DNAH7: variants seen among roughly 807,000 people sequenced by gnomAD.
DNAH7 encodes the protein axonemal beta dynein heavy chain 7.
DNAH7 carries 397 observed loss-of-function variants against 444.6 expected under a neutral mutation model. The observed-to-expected ratio is 0.89, with a 90% CI of 0.82 to 0.97. The LOEUF is 0.97. Ranked by LOEUF, DNAH7 falls within the 50% of genes least tolerant of loss-of-function variation. DNAH7 has a pLI of 0.00. For synonymous variants in DNAH7, 1,636 were observed against 1,624.4 expected (o/e 1.01, Z -0.17); for missense variants, 4,902 against 4,800.8 (o/e 1.02, Z -0.62).
intron 64 of DNAH7, 106 bp downstream of exon 64, chr2:195,740,648 TATACACACACAC>T (rs1559062374): frequency 3.3e-5 from 2 of 60,550 alleles, no homozygotes; most frequent in Non-Finnish European, 3.3e-5. Context: ...TATATATACA[TATACACACACAC>T]ATATGTATAC....
chr2:195,960,392 T>C lies in DNAH7; in HGVS notation c.2759A>G (p.His920Arg). Residue 920 changes from histidine to arginine, a missense_variant, in exon 18 of 65, where the codon CAT (histidine) becomes CGT (arginine). By Grantham distance (29) the His-to-Arg change is conservative. Transcript: ENST00000312428. ...AAATGTCCCAGTTTCTCTATAAGAA[T>C]GGATGACAAATTCCACTGCATCCCA... is the stretch of plus-strand genomic sequence containing the variant. Reference protein sequence around the residue: ...TEWDAVEFVIHSYRETGTFIL... With the variant: ...TEWDAVEFVIRSYRETGTFIL... 2 of 1,614,210 alleles carry C rather than the reference T, an allele frequency of 1.2e-6. No individual in the cohort carries two copies. Among genetic ancestry groups the C allele is most frequent in the South Asian group, 2.2e-5 (2 of 91,084 alleles).
intron 5 of DNAH7, among the ~76,000 whole-genome samples, chr2:196,036,620 G>A (rs1233193580): frequency 2.0e-5 from 3 of 152,082 alleles, no homozygotes; most frequent in South Asian, 2.1e-4. Flanking sequence ...CCCACCTGGG[G>A]GTCCAGGGAC....
chr2:195,946,666 ACTCT>A (rs149085409), intron 19 of DNAH7, among the ~76,000 whole-genome samples: 221 of 151,512 alleles, frequency 1.5e-3, no homozygotes, highest in African/African-American at 5.2e-3. Context: ...TTTTACCCTC[ACTCT>A]CTCTTTCTTT....
At chr2:196,048,039 T>G (rs1697243152) in intron 4 of DNAH7, among the ~76,000 whole-genome samples, 1 of 152,194 alleles carries the variant, frequency 6.6e-6, no homozygotes, top group Admixed American at 6.5e-5. Flanking sequence ...AGGCAAATTC[T>G]GACCACAATA....
chr2:196,008,893 T>G (rs1277627252), intron 10 of DNAH7, among the ~76,000 whole-genome samples: 1 of 152,156 alleles, frequency 6.6e-6, no homozygotes, highest in Admixed American at 6.5e-5. Context: ...AAAAGAGGTT[T>G]AATTGGCTCA....
At chr2:196,047,229 G>A (rs1445731243) in intron 5 of DNAH7, 123 bp downstream of exon 5, 1 of 719,156 alleles carries the variant, frequency 1.4e-6, no homozygotes, top group Non-Finnish European at 2.1e-6. Context: ...TTTATACTCT[G>A]ACCTCATTCC....
intron 25 of DNAH7, among the ~76,000 whole-genome samples, chr2:195,907,699 T>C (rs961591388): frequency 6.6e-6 from 1 of 152,180 alleles, no homozygotes; most frequent in African/African-American, 2.4e-5. Flanking sequence ...GCATATTTTA[T>C]GCAAGGACAC....
In DNAH7 at chr2:196,048,325, G is replaced by T; in HGVS notation, c.221C>A (p.Pro74Gln). Reference sequence around the variant, plus strand: ...GGACTGTTCATTTTTAACACTAAATGGTTCTGGACTCTCATCATCCTGCTT... The same window carrying T: ...GGACTGTTCATTTTTAACACTAAATTGTTCTGGACTCTCATCATCCTGCTT... ...SVKQDDESPE[P>Q]FSVKNEQSHA... Residue 74 changes from proline to glutamine, a missense_variant, in exon 4 of 65, where the codon CCA (proline) becomes CAA (glutamine). By Grantham distance (76) the Pro-to-Gln change is moderately conservative. Transcript: ENST00000312428. 1 of 1,613,736 alleles carries T rather than the reference G, an allele frequency of 6.2e-7. No individual in the cohort carries two copies. Among genetic ancestry groups the T allele is most frequent in the Non-Finnish European group, 8.5e-7 (1 of 1,179,824 alleles).
At chr2:195,806,080 C>A (rs1380829574) in intron 54 of DNAH7, among the ~76,000 whole-genome samples, 1 of 145,918 alleles carries the variant, frequency 6.9e-6, no homozygotes, top group Admixed American at 7.0e-5. Flanking sequence ...GATATTTTCT[C>A]AATTTTTTCC....
intron 28 of DNAH7, among the ~76,000 whole-genome samples, chr2:195,899,530 A>C (rs896280494): frequency 6.6e-6 from 1 of 152,216 alleles, no homozygotes; most frequent in Non-Finnish European, 1.5e-5. Flanking sequence ...TGTCAGGCTA[A>C]TGTGAAATAG....
intron 15 of DNAH7, among the ~76,000 whole-genome samples, chr2:195,981,584 C>T (rs949541853): frequency 6.6e-6 from 1 of 152,052 alleles, no homozygotes; most frequent in Non-Finnish European, 1.5e-5. Flanking sequence ...CTACAGTAAC[C>T]AAAATAGCAT....
At chr2:196,021,647 G>A (rs1308648430) in intron 8 of DNAH7, among the ~76,000 whole-genome samples, 18 of 150,102 alleles carry the variant, frequency 1.2e-4, no homozygotes, top group Admixed American at 1.2e-3. Flanking sequence ...TAGGGAGATT[G>A]CGTCTCTAAA....
At chr2:195,944,037 C>G (rs752159648) in intron 19 of DNAH7, among the ~76,000 whole-genome samples, 3 of 152,108 alleles carry the variant, frequency 2.0e-5, no homozygotes, top group Non-Finnish European at 4.4e-5. Context: ...GTTTCTAAGT[C>G]CTTGATTATG....
At chr2:195,758,843 C>T (rs930876698) in intron 61 of DNAH7, among the ~76,000 whole-genome samples, 2 of 152,198 alleles carry the variant, frequency 1.3e-5, no homozygotes, top group African/African-American at 4.8e-5. Flanking sequence ...AGCATTTAGA[C>T]CAACCCTAAC....
intron 12 of DNAH7, chr2:195,999,335 G>T: frequency 1.5e-6 from 1 of 649,030 alleles, no homozygotes. Context: ...CGCACAACCA[G>T]TATTGTCTTT....
chr2:195,899,489 G>A (rs2125258723), intron 28 of DNAH7, among the ~76,000 whole-genome samples: 1 of 152,108 alleles, frequency 6.6e-6, no homozygotes. Context: ...AGTCCCTTTT[G>A]TTTATTGCAA....
At chr2:195,948,410 T>A (rs1689974078) in intron 19 of DNAH7, among the ~76,000 whole-genome samples, 1 of 152,166 alleles carries the variant, frequency 6.6e-6, no homozygotes, top group African/African-American at 2.4e-5. Flanking sequence ...TCTTCTAGGG[T>A]TTTTATGGTT....
chr2:196,005,126 T>A (rs1575000466), intron 10 of DNAH7, among the ~76,000 whole-genome samples: 1 of 151,368 alleles, frequency 6.6e-6, no homozygotes, highest in Admixed American at 6.6e-5. Context: ...AAAACAAAAT[T>A]AGCCGGGTGT....
chr2:195,793,483 G>A (rs973711700), intron 57 of DNAH7, among the ~76,000 whole-genome samples: 2 of 152,086 alleles, frequency 1.3e-5, no homozygotes, highest in Non-Finnish European at 2.9e-5. Flanking sequence ...TCCATCATAC[G>A]CAGAAATGCC....
Sources: allele counts gnomAD v4.1 joint callset (sites outside exome capture counted in the v4.1 genomes callset), GRCh38; gene constraint gnomAD v4.1.1; transcripts MANE v1.5; gene names NCBI Gene and HGNC (gene_info 2026-07-23, HGNC 2026-07-21).